Variants in EFR3B observed in about 807,000 individuals in gnomAD.
EFR3B encodes EFR3 homolog B.
In EFR3B, 64 loss-of-function variants were observed where a neutral mutation model predicts 104.7. The observed-to-expected ratio is 0.61, with a 90% CI of 0.50 to 0.75. The LOEUF is 0.75. Among genes scored for constraint, EFR3B ranks in the 30% least tolerant of loss-of-function variants. The probability of loss-of-function intolerance (pLI) is 0.00; values close to 1 mark genes in which losing one functional copy is unlikely to be tolerated. For synonymous variants in EFR3B, 385 were observed against 417.9 expected (o/e 0.92, Z 0.96); for missense variants, 750 against 1,078.5 (o/e 0.70, Z 4.27).
chr2:25,054,308 T>C (rs1259476864), intron 1 of EFR3B, among the ~76,000 whole-genome samples: 1 of 152,150 alleles, frequency 6.6e-6, no homozygotes, highest in Non-Finnish European at 1.5e-5. Context: ...GGTGATATTA[T>C]TACCATGCAA....
chr2:25,126,316 G>A (rs1222894608), intron 5 of EFR3B, among the ~76,000 whole-genome samples: 4 of 151,674 alleles, frequency 2.6e-5, no homozygotes, highest in Admixed American at 1.3e-4. Flanking sequence ...AGCCTCCTGA[G>A]TATCTGTGAC....
intron 1 of EFR3B, among the ~76,000 whole-genome samples, chr2:25,059,512 G>A (rs1240106196): frequency 4.1e-5 from 6 of 144,640 alleles, no homozygotes; most frequent in Non-Finnish European, 3.0e-5. Flanking sequence ...AGTAGTATGA[G>A]GAAGCTACAG....
chr2:25,131,518 T>C lies in EFR3B; in HGVS notation c.985+15T>C. The C allele has an allele frequency of 6.5e-7, 1 of 1,548,260 alleles. No individual in the cohort carries two copies. The highest frequency in any genetic ancestry group is 2.4e-5 in the East Asian group (1 of 40,906). ...CGGCTCTGTGGGTAAGGGGCATGGC[T>C]AGGGCCTGAGGGCCGGGGACCCCGC... On this transcript the variant is annotated intron_variant, in intron 9 of 22. Transcript: ENST00000403714. This position sits in a 1 kb window ranked among gnomAD's most constrained non-coding sequence, Gnocchi z 7.6.
intron 12 of EFR3B, among the ~76,000 whole-genome samples, chr2:25,133,761 C>G (rs1670446652): frequency 6.6e-6 from 1 of 152,280 alleles, no homozygotes; most frequent in Admixed American, 6.5e-5. Flanking sequence ...TCCTGGTACC[C>G]CCTCTTTCCC....
In EFR3B at chr2:25,137,544, G is replaced by A. The variant is rs1462143207; in HGVS notation, c.1722+42G>A. The A allele has an allele frequency of 5.8e-6, 9 of 1,550,362 alleles. No homozygotes were observed. The highest frequency in any genetic ancestry group is 7.9e-6 in the Non-Finnish European group (9 of 1,146,110). Reference sequence around the variant, plus strand: ...GCAGGGCATGGGGCTTGGGATCAGGGGAGGGACTTGTTTTGGGCAAGCCCT... The same window carrying A: ...GCAGGGCATGGGGCTTGGGATCAGGAGAGGGACTTGTTTTGGGCAAGCCCT... On this transcript the variant is annotated intron_variant, in intron 15 of 22. Coordinates refer to ENST00000403714, the MANE Select transcript of EFR3B (RefSeq NM_014971.2). This position sits in a 1 kb window ranked among gnomAD's most constrained non-coding sequence, Gnocchi z 4.7.
rs557641227 is a variant in EFR3B at position 25,077,782 on chromosome 2, CT to C, written c.8-13537del. On this transcript the variant is annotated intron_variant, in intron 1 of 22. Coordinates refer to ENST00000403714, the MANE Select transcript of EFR3B (RefSeq NM_014971.2). ...CGTGATTCTAAGTGATGTTCATTTTCTTTTTTCCCCCGTTTTATAAATTTAT... is the reference window on the plus strand; with the variant it reads ...CGTGATTCTAAGTGATGTTCATTTTCTTTTTCCCCCGTTTTATAAATTTAT... 2.6e-3 allele frequency among the ~76,000 whole-genome samples: 393 copies of C among 152,276 alleles called. 1 individual carries two copies. Among genetic ancestry groups the C allele is most frequent in the African/African-American group, 8.9e-3 (372 of 41,566 alleles).
Position 25,131,600 on chromosome 2 carries a change from CG to C in EFR3B, c.985+98del. On this transcript the variant is annotated intron_variant, in intron 9 of 22. Coordinates refer to ENST00000403714, the MANE Select transcript of EFR3B (RefSeq NM_014971.2). The surrounding 1 kb of genome is among the most constrained non-coding windows in gnomAD (Gnocchi z 7.6). ...GGGACAACAGGGAGGGGTCGGAGTC[CG>C]TTTTCCTCGGGAGAAGTCCGCCAGG... The C allele has an allele frequency of 6.6e-7, 1 of 1,509,536 alleles. No homozygotes were observed. The highest frequency in any genetic ancestry group is 8.9e-7 in the Non-Finnish European group (1 of 1,123,310). The allele number at this position is 1,509,536 out of a possible 1,614,324, so 93.5% of individuals were successfully genotyped here. A position where few individuals can be genotyped will look rare whatever the true frequency, so the allele number is the denominator to read the frequency against.
chr2:25,152,962 C>T (rs972645208), intron 21 of EFR3B, among the ~76,000 whole-genome samples: 26 of 152,094 alleles, frequency 1.7e-4, no homozygotes, highest in African/African-American at 6.3e-4. Flanking sequence ...CACGTGCAGT[C>T]CCACTCTCTG....
chr2:25,135,450 C>G lies in EFR3B; in HGVS notation c.1312-17C>G. ...GGACAGCATTCCTAGGCATAGCTGTCCATACCTCCCTTGCAGGTATCCACA... is the reference window on the plus strand; with the variant it reads ...GGACAGCATTCCTAGGCATAGCTGTGCATACCTCCCTTGCAGGTATCCACA... On this transcript the variant is annotated splice_polypyrimidine_tract_variant and intron_variant, in intron 12 of 22. Coordinates refer to ENST00000403714, the MANE Select transcript of EFR3B (RefSeq NM_014971.2). 6.4e-7 allele frequency: 1 copy of G among 1,551,498 alleles called. No individual in the cohort carries two copies. The highest frequency in any genetic ancestry group is 8.7e-7 in the Non-Finnish European group (1 of 1,146,858).
chr2:25,153,671 C>T (rs1252436863), intron 21 of EFR3B, 41 bp from the exon 22 acceptor site: 4 of 1,550,094 alleles, frequency 2.6e-6, no homozygotes, highest in Non-Finnish European at 3.5e-6. Flanking sequence ...GGTTCTGGAC[C>T]CCCCACCCCT....
At chr2:25,111,657 G>A (rs2149195908) in intron 4 of EFR3B, among the ~76,000 whole-genome samples, 1 of 152,292 alleles carries the variant, frequency 6.6e-6, no homozygotes, top group Admixed American at 6.5e-5. Context: ...AATCCAGGTG[G>A]GCCTGATATA....
chr2:25,090,129 C>G (rs927949518), intron 1 of EFR3B, among the ~76,000 whole-genome samples: 3 of 152,196 alleles, frequency 2.0e-5, no homozygotes, highest in Non-Finnish European at 4.4e-5. Flanking sequence ...CTTAATCTTC[C>G]CACGGCACAT....
At chr2:25,081,759 A>C (rs1668814772) in intron 1 of EFR3B, 1 of 443,528 alleles carries the variant, frequency 2.3e-6, no homozygotes, top group Non-Finnish European at 4.0e-6. Flanking sequence ...TTTAGATTTT[A>C]AAATCAGTGT....
At chr2:25,059,534 G>T (rs955564181) in intron 1 of EFR3B, among the ~76,000 whole-genome samples, 1 of 140,386 alleles carries the variant, frequency 7.1e-6, no homozygotes, top group Admixed American at 7.9e-5. Context: ...AGTCAAATTC[G>T]TAGAGACAGA....
At chr2:25,068,955 A>T (rs1453782248) in intron 1 of EFR3B, among the ~76,000 whole-genome samples, 1 of 111,812 alleles carries the variant, frequency 8.9e-6, no homozygotes. Flanking sequence ...TTTTTCTGAG[A>T]CAGAGTCTCA....
rs1434332866 is a variant in EFR3B at position 25,114,871 on chromosome 2, A to G, written c.364-6802A>G. Among the ~76,000 whole-genome samples the G allele has an allele frequency of 6.6e-6, 1 of 152,160 alleles. No homozygotes were observed. The highest frequency in any genetic ancestry group is 1.9e-4 in the East Asian group (1 of 5,200). ...ACCTGTAGATCCCCTGCCCCAGAGTAGGGGGAGCGGGCACTTAAGGATGCA... is the reference window on the plus strand; with the variant it reads ...ACCTGTAGATCCCCTGCCCCAGAGTGGGGGGAGCGGGCACTTAAGGATGCA... On this transcript the variant is annotated intron_variant, in intron 4 of 22. Transcript: ENST00000403714. The surrounding 1 kb of genome is among the most constrained non-coding windows in gnomAD (Gnocchi z 4.0).
chr2:25,110,447 T>G (rs1669693677), intron 4 of EFR3B, among the ~76,000 whole-genome samples: 1 of 152,188 alleles, frequency 6.6e-6, no homozygotes, highest in African/African-American at 2.4e-5. Context: ...TTCTTCAGTC[T>G]CAAGATGCCT....
At chr2:25,129,245 C>T (rs540623076) in intron 6 of EFR3B, among the ~76,000 whole-genome samples, 36 of 151,298 alleles carry the variant, frequency 2.4e-4, no homozygotes, top group Admixed American at 2.4e-3. Context: ...ACGTTGCTGT[C>T]CCACCTGGGC....
At chr2:25,049,831 T>C (rs1320852107) in intron 1 of EFR3B, among the ~76,000 whole-genome samples, 1 of 150,784 alleles carries the variant, frequency 6.6e-6, no homozygotes, top group Non-Finnish European at 1.5e-5. Flanking sequence ...GATAAGGAGA[T>C]AGGCTGGTCG....
Sources: gnomAD v4.1 joint callset for allele counts (sites outside exome capture counted in the v4.1 genomes callset) on GRCh38, gnomAD v4.1.1 for gene constraint, Gnocchi (gnomAD v3.1) non-coding constraint, MANE v1.5 for transcripts, NCBI Gene and HGNC (gene_info 2026-07-23, HGNC 2026-07-21) for gene names.